Variants in CSMD1 observed in about 807,000 individuals in gnomAD.
CSMD1 encodes the protein CUB and sushi domain-containing protein 1.
Under a neutral mutation model 417.5 loss-of-function variants are expected in CSMD1, and 213 were observed. That is an observed-to-expected ratio of 0.51 (90% CI 0.46 to 0.57). CSMD1 has a LOEUF of 0.57. Among genes scored for constraint, CSMD1 ranks in the 20% least tolerant of loss-of-function variants. The pLI, the probability that CSMD1 is intolerant of heterozygous loss-of-function variation, is 0.00. For missense variants in CSMD1, 6,923 were observed against 4,529.7 expected (o/e 1.53, Z -15.17); for synonymous variants, 2,862 against 1,736.8 (o/e 1.65, Z -16.11).
At chr8:4,090,964 G>C (rs1008125691) in intron 3 of CSMD1, among the ~76,000 whole-genome samples, 3 of 151,204 alleles carry the variant, frequency 2.0e-5, no homozygotes, top group Admixed American at 2.0e-4. Flanking sequence ...TGTCACCCAG[G>C]CTGGAGTGCA....
At chr8:4,457,352 C>T (rs1008978570) in intron 2 of CSMD1, among the ~76,000 whole-genome samples, 2 of 151,760 alleles carry the variant, frequency 1.3e-5, no homozygotes, top group Non-Finnish European at 2.9e-5. Flanking sequence ...GAGGGGTTTG[C>T]GGAGGAAGAA....
At position 4,716,483 on chromosome 8, in the gene CSMD1, A is replaced by T. The variant is rs917678224; in HGVS notation, c.86-78925T>A. Reference sequence around the variant, plus strand: ...TTTCAGTTATTAATAGAAGGTTTTTAAAGTATTCATAATACTTCAACATCC... The same window carrying T: ...TTTCAGTTATTAATAGAAGGTTTTTTAAGTATTCATAATACTTCAACATCC... On this transcript the variant is annotated intron_variant, in intron 1 of 69. Coordinates refer to ENST00000635120, the MANE Select transcript of CSMD1 (RefSeq NM_033225.6). 6.0e-4 allele frequency among the ~76,000 whole-genome samples: 91 copies of T among 152,310 alleles called. 2 individuals are homozygous for T. Among genetic ancestry groups the T allele is most frequent in the Non-Finnish European group, 1.9e-4 (13 of 68,036 alleles).
intron 26 of CSMD1, among the ~76,000 whole-genome samples, chr8:3,276,477 C>A (rs975383183): frequency 2.0e-5 from 3 of 152,160 alleles, no homozygotes; most frequent in African/African-American, 7.2e-5. Flanking sequence ...TGCAGGGAAA[C>A]TCCCATTTAT....
chr8:4,758,356 G>A (rs910293777), intron 1 of CSMD1, among the ~76,000 whole-genome samples: 8 of 152,136 alleles, frequency 5.3e-5, no homozygotes, highest in African/African-American at 1.7e-4. Context: ...TTGCCTCTAT[G>A]TATTATGCAT....
In CSMD1 at chr8:4,918,906, A is replaced by T. The variant is rs548068773; in HGVS notation, c.85+75426T>A. On this transcript the variant is annotated intron_variant, in intron 1 of 69. Transcript: ENST00000635120. Reference sequence around the variant, plus strand: ...TGTAATTTTAAATAAGTGAGTTTTAAAAAAAGTAGTAAAATTCTGGGGGGT... The same window carrying T: ...TGTAATTTTAAATAAGTGAGTTTTATAAAAAGTAGTAAAATTCTGGGGGGT... Among the ~76,000 whole-genome samples the T allele has an allele frequency of 5.9e-4, 90 of 152,284 alleles. 1 individual carries two copies. The East Asian group carries it at 8.1e-3, about 14-fold the overall frequency.
At chr8:3,306,502 T>C (rs946625708) in intron 25 of CSMD1, among the ~76,000 whole-genome samples, 1 of 152,166 alleles carries the variant, frequency 6.6e-6, no homozygotes, top group Non-Finnish European at 1.5e-5. Flanking sequence ...GCTTCACGTA[T>C]GTGTAGGAGG....
At chr8:4,421,193 G>A (rs567491568) in intron 2 of CSMD1, among the ~76,000 whole-genome samples, 112 of 152,176 alleles carry the variant, frequency 7.4e-4, no homozygotes, top group Admixed American at 2.1e-3. Flanking sequence ...ATGTGTTAGC[G>A]AACGCAATAC....
chr8:3,807,920 A>G (rs1800837495), intron 5 of CSMD1, among the ~76,000 whole-genome samples: 1 of 152,168 alleles, frequency 6.6e-6, no homozygotes, highest in Non-Finnish European at 1.5e-5. Flanking sequence ...AGAAAAAATA[A>G]ATTGTAATTT....
At chr8:3,035,744 T>C (rs1469990022) in intron 50 of CSMD1, among the ~76,000 whole-genome samples, 1 of 150,670 alleles carries the variant, frequency 6.6e-6, no homozygotes, top group Non-Finnish European at 1.5e-5. Context: ...AATTGCCAGG[T>C]CAAGTTTTGT....
At chr8:4,369,009 GT>G (rs1243027006) in intron 3 of CSMD1, among the ~76,000 whole-genome samples, 1 of 151,930 alleles carries the variant, frequency 6.6e-6, no homozygotes, top group Non-Finnish European at 1.5e-5. Context: ...GTTTGCTCTG[GT>G]TTTTCTAGTT....
intron 1 of CSMD1, among the ~76,000 whole-genome samples, chr8:4,735,405 CCTT>C (rs1180995079): frequency 6.6e-6 from 1 of 152,118 alleles, no homozygotes; most frequent in East Asian, 1.9e-4. Context: ...CCCCAAATAA[CCTT>C]CTTTTTTCAG....
At chr8:3,921,042 T>C (rs1809217451) in intron 5 of CSMD1, among the ~76,000 whole-genome samples, 1 of 152,142 alleles carries the variant, frequency 6.6e-6, no homozygotes, top group Non-Finnish European at 1.5e-5. Flanking sequence ...TGAAAAGCGT[T>C]GGTTTAGTGT....
intron 10 of CSMD1, among the ~76,000 whole-genome samples, chr8:3,523,576 T>G (rs1031634950): frequency 6.8e-6 from 1 of 146,642 alleles, no homozygotes; most frequent in East Asian, 2.0e-4. Context: ...CACACACACA[T>G]GTACACACAG....
intron 10 of CSMD1, among the ~76,000 whole-genome samples, chr8:3,530,673 G>C (rs143519932): frequency 1.3e-5 from 2 of 151,786 alleles, no homozygotes; most frequent in East Asian, 3.9e-4. Context: ...AAGTATTACA[G>C]GCACCCGCCA....
intron 4 of CSMD1, among the ~76,000 whole-genome samples, chr8:4,010,810 A>ACC (rs1277608637): frequency 1.3e-5 from 2 of 152,144 alleles, no homozygotes; most frequent in Non-Finnish European, 2.9e-5. Flanking sequence ...ACAGTAAAAC[A>ACC]CCTTTGGTTC....
Position 3,883,107 on chromosome 8 carries a change from T to C in CSMD1, c.818+114796A>G, listed in dbSNP as rs540067563. On this transcript the variant is annotated intron_variant, in intron 5 of 69. Transcript: ENST00000635120. Reference sequence around the variant, plus strand: ...TACTCTAAGAATTCCCTAAGAATCCTTAGTGTAAATAACAAAATAAAAATA... The same window carrying C: ...TACTCTAAGAATTCCCTAAGAATCCCTAGTGTAAATAACAAAATAAAAATA... Among the ~76,000 whole-genome samples the C allele has an allele frequency of 2.0e-5, 3 of 152,310 alleles. No individual in the cohort carries two copies. The East Asian group carries it at 5.8e-4, about 29-fold the overall frequency.
chr8:4,231,626 T>C (rs1801739427), intron 3 of CSMD1, among the ~76,000 whole-genome samples: 1 of 152,214 alleles, frequency 6.6e-6, no homozygotes, highest in African/African-American at 2.4e-5. Context: ...GAGTCAGATA[T>C]CTTCTTTACT....
At chr8:3,048,523 G>C (rs913829024) in intron 50 of CSMD1, among the ~76,000 whole-genome samples, 1 of 152,078 alleles carries the variant, frequency 6.6e-6, no homozygotes, top group African/African-American at 2.4e-5. Context: ...GGAAAAACTG[G>C]ATATCTACAT....
intron 1 of CSMD1, among the ~76,000 whole-genome samples, chr8:4,947,727 G>A (rs1322145891): frequency 6.6e-6 from 1 of 152,058 alleles, no homozygotes; most frequent in Non-Finnish European, 1.5e-5. Flanking sequence ...GTTTGTAGCT[G>A]AGTTTGCTTG....
Sources: gnomAD v4.1 joint callset for allele counts (sites outside exome capture counted in the v4.1 genomes callset) on GRCh38, gnomAD v4.1.1 for gene constraint, MANE v1.5 for transcripts, NCBI Gene and HGNC (gene_info 2026-07-23, HGNC 2026-07-21) for gene names.